The following TMEM108 variants were observed in gnomAD, a reference collection of about 807,000 sequenced individuals.
TMEM108 encodes transmembrane protein 108, also known as cancer/testis antigen 124.
A neutral mutation model predicts 35.1 loss-of-function variants in TMEM108; 12 were observed. That is an observed-to-expected ratio of 0.34 (90% CI 0.22 to 0.55). TMEM108 has a LOEUF of 0.55. TMEM108 is among the 20% of genes least tolerant of loss of function. TMEM108 has a pLI of 0.89. For synonymous variants in TMEM108, 287 were observed against 308.6 expected, an observed-to-expected ratio of 0.93 and a Z score of 0.73; for missense variants, 680 against 753.3, an observed-to-expected ratio of 0.90 and a Z score of 1.14.
Position 133,144,637 on chromosome 3 carries a change from G to A in TMEM108, c.-46-84629G>A, listed in dbSNP as rs183161160. 9.9e-5 allele frequency among the ~76,000 whole-genome samples: 15 copies of A among 152,042 alleles called. 1 individual carries two copies. The highest frequency in any genetic ancestry group is 8.5e-4 in the Admixed American group (13 of 15,262). On this transcript the variant is annotated intron_variant, in intron 2 of 5. Coordinates refer to ENST00000321871, the MANE Select transcript of TMEM108 (RefSeq NM_023943.4). ...CTCCACATCCTCTCCAGCATCTGTTGTTTCCTTTTTAATGATCGCCATTCT... is the reference window on the plus strand; with the variant it reads ...CTCCACATCCTCTCCAGCATCTGTTATTTCCTTTTTAATGATCGCCATTCT...
rs199816073 is a variant in TMEM108 at position 133,108,981 on chromosome 3, T to TATA, written c.-47+62975_-47+62977dup. 4.4e-3 allele frequency among the ~76,000 whole-genome samples: 666 copies of TATA among 152,104 alleles called. 11 individuals carry two copies. Among genetic ancestry groups the TATA allele is most frequent in the East Asian group, 0.031 (160 of 5,168 alleles). ...TGCACATGTACCCTACAACTTAAAA[T>TATA]ATAATAATAATAATAAAAAAGTTGT... is the stretch of plus-strand genomic sequence containing the variant. On this transcript the variant is annotated intron_variant, in intron 2 of 5. Transcript: ENST00000321871.
chr3:133,242,829 A>G (rs1946332234), intron 3 of TMEM108, among the ~76,000 whole-genome samples: 1 of 152,136 alleles, frequency 6.6e-6, no homozygotes, highest in South Asian at 2.1e-4. Flanking sequence ...CTATTTTTCC[A>G]CAGAACAGAG....
At chr3:133,062,949 G>A (rs1943553112) in intron 2 of TMEM108, among the ~76,000 whole-genome samples, 1 of 152,200 alleles carries the variant, frequency 6.6e-6, no homozygotes, top group Non-Finnish European at 1.5e-5. Flanking sequence ...GAAGGGAGTG[G>A]TTATGACAAT....
intron 3 of TMEM108, among the ~76,000 whole-genome samples, chr3:133,285,310 C>T (rs948411098): frequency 6.6e-6 from 1 of 152,088 alleles, no homozygotes; most frequent in Non-Finnish European, 1.5e-5. Flanking sequence ...ATTAGGTTTC[C>T]TCTTGTGTTT....
intron 3 of TMEM108, among the ~76,000 whole-genome samples, chr3:133,368,513 G>A (rs2107808565): frequency 6.6e-6 from 1 of 152,326 alleles, no homozygotes; most frequent in South Asian, 2.1e-4. Context: ...AGATCAACAG[G>A]AGTTAGGTTC....
chr3:133,193,191 T>G (rs909632289), intron 2 of TMEM108, among the ~76,000 whole-genome samples: 1 of 152,144 alleles, frequency 6.6e-6, no homozygotes, highest in African/African-American at 2.4e-5. Context: ...GGCAAAACTT[T>G]GTCATTAAGT....
At position 133,298,217 on chromosome 3, in the gene TMEM108, C is replaced by T. The variant is rs1041329881; in HGVS notation, c.40+68866C>T. Among the ~76,000 whole-genome samples the T allele has an allele frequency of 5.3e-5, 8 of 152,128 alleles. 1 individual carries two copies. Among genetic ancestry groups the T allele is most frequent in the African/African-American group, 1.9e-4 (8 of 41,396 alleles). Reference sequence around the variant, plus strand: ...GAAGATAGTTTTTATTAGTAGGATTCTATTAACTCTCTGGGTAGAGCAGAC... The same window carrying T: ...GAAGATAGTTTTTATTAGTAGGATTTTATTAACTCTCTGGGTAGAGCAGAC... On this transcript the variant is annotated intron_variant, in intron 3 of 5. Coordinates refer to ENST00000321871, the MANE Select transcript of TMEM108 (RefSeq NM_023943.4).
intron 2 of TMEM108, among the ~76,000 whole-genome samples, chr3:133,105,422 A>G (rs1222539722): frequency 1.3e-5 from 2 of 152,014 alleles, no homozygotes; most frequent in East Asian, 1.9e-4. Context: ...TCCTCTTCCA[A>G]TGCATCTCTC....
At chr3:133,189,005 A>G (rs1945461276) in intron 2 of TMEM108, among the ~76,000 whole-genome samples, 2 of 152,134 alleles carry the variant, frequency 1.3e-5, no homozygotes, top group Non-Finnish European at 2.9e-5. Flanking sequence ...GATCCAGGCC[A>G]TTAACTGGAA....
chr3:133,378,588 C>T, intron 3 of TMEM108: 1 of 973,940 alleles, frequency 1.0e-6, no homozygotes, highest in Non-Finnish European at 1.2e-6. Flanking sequence ...ACTGTTGGCC[C>T]TTCCTCAGCC....
intron 3 of TMEM108, among the ~76,000 whole-genome samples, chr3:133,373,384 T>TGATA (rs55867564): frequency 0.033 from 4,459 of 136,210 alleles, 91 homozygotes; most frequent in Non-Finnish European, 0.036. Context: ...GATAGATAGA[T>TGATA]GATAGATAGA....
intron 3 of TMEM108, among the ~76,000 whole-genome samples, chr3:133,251,644 A>G (rs1242532701): frequency 6.6e-6 from 1 of 152,164 alleles, no homozygotes; most frequent in Non-Finnish European, 1.5e-5. Context: ...GGGAAGAGAT[A>G]TTGGATAGGT....
intron 3 of TMEM108, among the ~76,000 whole-genome samples, chr3:133,268,234 A>G (rs1046762491): frequency 2.6e-5 from 4 of 152,258 alleles, no homozygotes; most frequent in African/African-American, 9.6e-5. Context: ...TCCTTGGAAC[A>G]GAAGGGCCAG....
chr3:133,377,257 A>T (rs2072870715), intron 3 of TMEM108, among the ~76,000 whole-genome samples: 1 of 152,174 alleles, frequency 6.6e-6, no homozygotes, highest in Admixed American at 6.5e-5. Flanking sequence ...ACAACACTTA[A>T]CACTTGTGAG....
At chr3:133,316,960 T>G (rs1007780435) in intron 3 of TMEM108, among the ~76,000 whole-genome samples, 1 of 152,218 alleles carries the variant, frequency 6.6e-6, no homozygotes, top group African/African-American at 2.4e-5. Context: ...AAATTCCCTC[T>G]GTAAGTAAAA....
At chr3:133,161,412 A>T (rs915565320) in intron 2 of TMEM108, among the ~76,000 whole-genome samples, 1 of 152,280 alleles carries the variant, frequency 6.6e-6, no homozygotes, top group East Asian at 1.9e-4. Flanking sequence ...CTTAGAAAAT[A>T]AGCTCCATGA....
intron 3 of TMEM108, among the ~76,000 whole-genome samples, chr3:133,286,322 C>T (rs114264069): frequency 6.4e-4 from 98 of 152,172 alleles, no homozygotes; most frequent in African/African-American, 2.3e-3. Context: ...ATTTACCACA[C>T]CCAGCTTTTA....
At chr3:133,338,766 G>T (rs1259090073) in intron 3 of TMEM108, among the ~76,000 whole-genome samples, 3 of 151,966 alleles carry the variant, frequency 2.0e-5, no homozygotes, top group Non-Finnish European at 4.4e-5. Context: ...GACATTGACA[G>T]CACGATAAGA....
chr3:133,174,924 T>G (rs1227064552), intron 2 of TMEM108, among the ~76,000 whole-genome samples: 1 of 151,658 alleles, frequency 6.6e-6, no homozygotes, highest in Admixed American at 6.6e-5. Context: ...GTTAAAAACC[T>G]TGAAAAAAAA....
Sources: gnomAD v4.1 joint callset for allele counts (sites outside exome capture counted in the v4.1 genomes callset) on GRCh38, gnomAD v4.1.1 for gene constraint, MANE v1.5 for transcripts, NCBI Gene and HGNC (gene_info 2026-07-23, HGNC 2026-07-21) for gene names.